MEI4: variants seen among roughly 807,000 people sequenced by gnomAD.
The protein encoded by MEI4 is meiosis-specific protein MEI4.
In MEI4, 27 loss-of-function variants were observed where a neutral mutation model predicts 31.4. That is an observed-to-expected ratio of 0.86 (90% confidence interval 0.63 to 1.19). The LOEUF (loss-of-function observed/expected upper bound fraction) is 1.19. MEI4 is among the 50% of genes most tolerant of loss of function. The pLI is 0.00. For missense variants in MEI4, 329 were observed against 398.9 expected (o/e 0.82, Z 1.49); for synonymous variants, 122 against 145.4 (o/e 0.84, Z 1.16).
intron 2 of MEI4, among the ~76,000 whole-genome samples, chr6:77,748,428 C>T (rs1284329994): frequency 1.3e-5 from 2 of 152,246 alleles, no homozygotes; most frequent in Non-Finnish European, 2.9e-5. Context: ...ATAGCCCAAG[C>T]TTTACTGTGG....
At chr6:77,703,636 G>A (rs1396264565) in intron 2 of MEI4, among the ~76,000 whole-genome samples, 2 of 152,076 alleles carry the variant, frequency 1.3e-5, no homozygotes, top group Admixed American at 6.6e-5. Context: ...AAATCCAAAC[G>A]TACCATGAGG....
chr6:77,841,840 TAAAG>T (rs1770373725), intron 4 of MEI4, among the ~76,000 whole-genome samples: 1 of 151,892 alleles, frequency 6.6e-6, no homozygotes, highest in Non-Finnish European at 1.5e-5. Flanking sequence ...ATCAACAGGG[TAAAG>T]AGAGATATTA....
At position 77,748,640 on chromosome 6, in the gene MEI4, C is replaced by T. The variant is rs566548343; in HGVS notation, c.233-12490C>T. On this transcript the variant is annotated intron_variant, in intron 2 of 4. Transcript: ENST00000684080. ...TTTTCCCCATTGTCTTGGAGATTAA[C>T]ATTAGACTCCTCATTATTTATGTAA... Among the ~76,000 whole-genome samples, 3 of 152,320 alleles carry T rather than the reference C, an allele frequency of 2.0e-5. No individual in the cohort carries two copies. In the South Asian group the frequency reaches 6.2e-4, roughly 32 times the overall value.
intron 3 of MEI4, among the ~76,000 whole-genome samples, chr6:77,803,567 GT>G (rs1242184086): frequency 6.6e-6 from 1 of 152,172 alleles, no homozygotes. Flanking sequence ...GGAGTTTCCA[GT>G]TTTTCTGCTC....
chr6:77,808,507 G>A (rs1200183166), intron 3 of MEI4, among the ~76,000 whole-genome samples: 2 of 152,140 alleles, frequency 1.3e-5, no homozygotes, highest in African/African-American at 4.8e-5. Flanking sequence ...TTAAGAGACA[G>A]TGTAAAAAAA....
At chr6:77,750,507 T>A (rs993022638) in intron 2 of MEI4, among the ~76,000 whole-genome samples, 3 of 151,734 alleles carry the variant, frequency 2.0e-5, no homozygotes, top group African/African-American at 7.3e-5. Context: ...CCAACAAAGA[T>A]CAAAAGAGAC....
chr6:77,755,023 G>A (rs868173957), intron 2 of MEI4, among the ~76,000 whole-genome samples: 1 of 152,098 alleles, frequency 6.6e-6, no homozygotes, highest in Admixed American at 6.6e-5. Flanking sequence ...GTAGAAATAA[G>A]TAAGAAAGGT....
chr6:77,770,933 C>T (rs1255750512), intron 3 of MEI4, among the ~76,000 whole-genome samples: 1 of 152,062 alleles, frequency 6.6e-6, no homozygotes, highest in Non-Finnish European at 1.5e-5. Context: ...AAAAAATTGA[C>T]ATATGGGATC....
intron 2 of MEI4, among the ~76,000 whole-genome samples, chr6:77,698,049 T>C (rs1009657396): frequency 1.3e-5 from 2 of 152,222 alleles, no homozygotes; most frequent in African/African-American, 4.8e-5. Context: ...TTGATCTTTG[T>C]TGGTTTAAAG....
At chr6:77,838,915 A>G (rs76304114) in intron 4 of MEI4, among the ~76,000 whole-genome samples, 1 of 152,084 alleles carries the variant, frequency 6.6e-6, no homozygotes, top group Non-Finnish European at 1.5e-5. Flanking sequence ...AAAAAAAAAA[A>G]GTCAACTACC....
Position 77,665,528 on chromosome 6 carries a change from T to A in MEI4, c.-15+12436T>A, listed in dbSNP as rs541220262. On this transcript the variant is annotated intron_variant, in intron 1 of 4. Coordinates refer to ENST00000684080, the MANE Select transcript of MEI4 (RefSeq NM_001322247.2). ...GAGACAAGGAGAGAAGGGATTGGGG[T>A]ACTTGCCCCTTCCCCAGAAGAGCGG... is the stretch of plus-strand genomic sequence containing the variant. Among the ~76,000 whole-genome samples, 4 of 152,150 alleles carry A rather than the reference T, an allele frequency of 2.6e-5. No individual in the cohort carries two copies. In the South Asian group the frequency reaches 8.3e-4, roughly 32 times the overall value.
At chr6:77,906,051 T>G (rs1766289490) in intron 4 of MEI4, among the ~76,000 whole-genome samples, 2 of 152,156 alleles carry the variant, frequency 1.3e-5, no homozygotes, top group African/African-American at 4.8e-5. Context: ...TTTTAATATC[T>G]CTGTAAAATT....
intron 3 of MEI4, among the ~76,000 whole-genome samples, chr6:77,789,360 C>T (rs1768846715): frequency 6.6e-6 from 1 of 152,178 alleles, no homozygotes; most frequent in Admixed American, 6.5e-5. Flanking sequence ...GACTTCATGT[C>T]TATAACACCA....
chr6:77,790,987 A>G (rs1304009017), intron 3 of MEI4, among the ~76,000 whole-genome samples: 3 of 152,116 alleles, frequency 2.0e-5, no homozygotes, highest in Non-Finnish European at 4.4e-5. Context: ...ATGAGATACC[A>G]TCTCACACCA....
At chr6:77,715,926 T>C (rs972267495) in intron 2 of MEI4, among the ~76,000 whole-genome samples, 3 of 152,360 alleles carry the variant, frequency 2.0e-5, no homozygotes, top group African/African-American at 7.2e-5. Flanking sequence ...TGGTTTGATA[T>C]ATTTTTACAC....
chr6:77,814,118 G>A (rs1769635608), intron 3 of MEI4, among the ~76,000 whole-genome samples: 1 of 151,694 alleles, frequency 6.6e-6, no homozygotes, highest in South Asian at 2.1e-4. Flanking sequence ...GTGATCGTCT[G>A]GGGTTCAACA....
intron 1 of MEI4, among the ~76,000 whole-genome samples, chr6:77,663,527 T>C (rs1212204347): frequency 6.6e-6 from 1 of 152,084 alleles, no homozygotes; most frequent in African/African-American, 2.4e-5. Flanking sequence ...TGTCTCAGCC[T>C]AATAAGGGAA....
chr6:77,785,475 T>G (rs1768712013), intron 3 of MEI4, among the ~76,000 whole-genome samples: 1 of 152,148 alleles, frequency 6.6e-6, no homozygotes, highest in East Asian at 1.9e-4. Context: ...GGGAGGGCCT[T>G]GAGTGAAGGC....
intron 3 of MEI4, among the ~76,000 whole-genome samples, chr6:77,771,417 C>A (rs1388377251): frequency 6.6e-6 from 1 of 151,902 alleles, no homozygotes; most frequent in Non-Finnish European, 1.5e-5. Context: ...TACTATTTTA[C>A]CTGGAAATTT....
Sources: gnomAD v4.1 joint callset for allele counts (sites outside exome capture counted in the v4.1 genomes callset) on GRCh38, gnomAD v4.1.1 for gene constraint, MANE v1.5 for transcripts, NCBI Gene and HGNC (gene_info 2026-07-23, HGNC 2026-07-21) for gene names.